GAREM2: variants seen among roughly 807,000 people sequenced by gnomAD.
The protein encoded by GAREM2 is GRB2-associated and regulator of MAPK protein 2.
Under a neutral mutation model 55.6 loss-of-function variants are expected in GAREM2, and 30 were observed. The observed-to-expected ratio is 0.54, with a 90% CI of 0.40 to 0.73. The LOEUF is 0.73. GAREM2 is among the 30% of genes least tolerant of loss of function. The pLI, the probability that GAREM2 is intolerant of heterozygous loss-of-function variation, is 0.00. For synonymous variants in GAREM2, 550 were observed against 569.1 expected (o/e 0.97, Z 0.48); for missense variants, 1,075 against 1,257.7 (o/e 0.85, Z 2.20).
In GAREM2 at chr2:26,184,255, A is replaced by G; in HGVS notation, c.407A>G (p.Glu136Gly). 6.4e-7 allele frequency: 1 copy of G among 1,550,660 alleles called. No individual in the cohort carries two copies. Among genetic ancestry groups the G allele is most frequent in the Admixed American group, 2.0e-5 (1 of 50,996 alleles). ...SVKVVSGEFS[E>G]DSEVYNFTLH... ...CAGGTGGTGTCGGGCGAGTTCAGCG[A>G]GGACAGCGAGGTGTACAACTTCACG... The change falls in exon 4 of 6, where the codon GAG becomes GGG. Residue 136 changes from glutamate to glycine, a missense_variant. By Grantham distance (98) the Glu-to-Gly change is moderately conservative. Transcript: ENST00000401533.
chr2:26,193,780 G>C (rs1449655616), downstream of GAREM2: 2 of 1,613,240 alleles, frequency 1.2e-6, no homozygotes, highest in Non-Finnish European at 1.7e-6. Flanking sequence ...TTCCTGAACA[G>C]GAAGCGATGC....
At chr2:26,192,260 G>T, downstream of GAREM2, 1 of 945,774 alleles carries the variant, frequency 1.1e-6, no homozygotes, top group Non-Finnish European at 1.8e-6. Flanking sequence ...GAAGCTTTGG[G>T]CTGTCAGAGA....
chr2:26,184,298 G>A lies in GAREM2; in HGVS notation c.450G>A (p.Glu150=). The change falls in exon 4 of 6, where the codon GAG becomes GAA. Residue 150 remains glutamate, a synonymous_variant. Coordinates refer to ENST00000401533, the MANE Select transcript of GAREM2 (RefSeq NM_001168241.2). ...VYNFTLHAGD[E]LTLMGQAEIL... ...ACTTCACGCTGCATGCGGGCGACGA[G>A]CTCACTCTTATGGGCCAGGCGGAGA... is the stretch of plus-strand genomic sequence containing the variant. The A allele has an allele frequency of 1.3e-6, 2 of 1,551,120 alleles. No homozygotes were observed. Among genetic ancestry groups the A allele is most frequent in the South Asian group, 1.2e-5 (1 of 84,068 alleles).
chr2:26,193,602 T>C (rs1669575103), downstream of GAREM2: 1 of 1,613,822 alleles, frequency 6.2e-7, no homozygotes, highest in African/African-American at 1.3e-5. Context: ...ACACCATCTG[T>C]GTCAGCAGTT....
the GAREM2 span, among the ~76,000 whole-genome samples, chr2:26,203,362 C>T: frequency 6.6e-6 from 1 of 152,320 alleles, no homozygotes; most frequent in East Asian, 1.9e-4. Flanking sequence ...GAAAACTGAT[C>T]AAACCAACCC....
the GAREM2 span, chr2:26,194,989 GTC>G: frequency 9.9e-7 from 1 of 1,005,638 alleles, no homozygotes; most frequent in Non-Finnish European, 1.6e-6. Flanking sequence ...TCATATCAAA[GTC>G]TGGTCATTTG....
chr2:26,181,162 C>T (rs1669038948), intron 2 of GAREM2: 2 of 977,248 alleles, frequency 2.0e-6, no homozygotes, highest in Non-Finnish European at 1.2e-6. Flanking sequence ...CGAAACACTC[C>T]AGTGGGTCTC....
chr2:26,173,436 C>T, intron 1 of GAREM2, 104 bp downstream of exon 1: 1 of 555,164 alleles, frequency 1.8e-6, no homozygotes, highest in Non-Finnish European at 2.7e-6. Flanking sequence ...CCCGCACCCT[C>T]CCAGCTCCCC....
chr2:26,195,197 C>T, the GAREM2 span: 20 of 1,612,782 alleles, frequency 1.2e-5, no homozygotes, highest in African/African-American at 1.5e-4. Flanking sequence ...GCAGCTGCAT[C>T]TTGTCCACGG....
intron 1 of GAREM2, among the ~76,000 whole-genome samples, chr2:26,174,645 A>C (rs1391561779): frequency 6.6e-6 from 1 of 152,204 alleles, no homozygotes; most frequent in Non-Finnish European, 1.5e-5. Context: ...GTGAATGAAC[A>C]ACTGGTGTGA....
downstream of GAREM2, chr2:26,193,599 C>T (rs1396271017): frequency 6.8e-6 from 11 of 1,613,590 alleles, no homozygotes; most frequent in Middle Eastern, 3.3e-4. Context: ...TGGACACCAT[C>T]TGTGTCAGCA....
chr2:26,196,961 T>C, the GAREM2 span, among the ~76,000 whole-genome samples: 22 of 152,346 alleles, frequency 1.4e-4, no homozygotes, highest in Admixed American at 2.6e-4. Context: ...GCTAGGAAAC[T>C]AGATTACCTT....
downstream of GAREM2, chr2:26,191,224 C>T (rs375322919): frequency 6.2e-7 from 1 of 1,610,408 alleles, no homozygotes; most frequent in Admixed American, 1.7e-5. Flanking sequence ...GGTTAGTGCA[C>T]TGACTGAGCG....
intron 2 of GAREM2, among the ~76,000 whole-genome samples, chr2:26,177,653 G>T (rs1668904639): frequency 1.3e-5 from 2 of 152,088 alleles, no homozygotes; most frequent in Admixed American, 1.3e-4. Context: ...CCAGTTCTGT[G>T]TGTGTGTGTG....
intron 1 of GAREM2, among the ~76,000 whole-genome samples, chr2:26,176,049 A>G (rs2147719941): frequency 6.6e-6 from 1 of 152,206 alleles, no homozygotes; most frequent in Non-Finnish European, 1.5e-5. Flanking sequence ...GGGCTCATCC[A>G]TGGGGAGCTC....
chr2:26,194,600 G>T, downstream of GAREM2: 1 of 1,612,206 alleles, frequency 6.2e-7, no homozygotes, highest in Non-Finnish European at 8.5e-7. Context: ...CAGACATCAT[G>T]GGCGCAAGAC....
the GAREM2 span, among the ~76,000 whole-genome samples, chr2:26,200,125 A>C: frequency 6.6e-6 from 1 of 152,158 alleles, no homozygotes; most frequent in African/African-American, 2.4e-5. Context: ...ATGGGCAATA[A>C]GAGAAGATAA....
In GAREM2 at chr2:26,183,039, T is replaced by C. The variant is rs1192867884; in HGVS notation, c.326T>C (p.Val109Ala). ...AGGTACTTCAGCAGCGTGGAGGAGG[T>C]GGCCAGTGTCTTCCCTGACCGCATC... ...PVRYFSSVEEVASVFPDRIFV... is the reference protein window; with the variant it reads ...PVRYFSSVEEAASVFPDRIFV... The change falls in exon 3 of 6, where the codon GTG becomes GCG. Residue 109 changes from valine to alanine, a missense_variant. Physicochemically the swap from Val to Ala is moderately conservative, Grantham distance 64. Around this residue, in one of 6 missense-constraint regions of GAREM2, gnomAD observed 230 missense variants for 310.6 expected, o/e 0.74. Transcript: ENST00000401533. 2 of 1,551,486 alleles carry C rather than the reference T, an allele frequency of 1.3e-6. No homozygotes were observed. Among genetic ancestry groups the C allele is most frequent in the African/African-American group, 2.7e-5 (2 of 72,998 alleles).
chr2:26,191,112 C>T, downstream of GAREM2: 1 of 816,502 alleles, frequency 1.2e-6, no homozygotes, highest in South Asian at 1.5e-5. Context: ...TGGCTGAAGG[C>T]ACTTTAATCA....
Sources: allele counts gnomAD v4.1 joint callset (sites outside exome capture counted in the v4.1 genomes callset), GRCh38; gene constraint gnomAD v4.1.1; regional missense constraint gnomAD v4.1.1; transcripts MANE v1.5; gene names NCBI Gene and HGNC (gene_info 2026-07-23, HGNC 2026-07-21).